SMIM36: variants seen among roughly 807,000 people sequenced by gnomAD.
The protein encoded by SMIM36 is small integral membrane protein 36.
intron 1 of SMIM36, among the ~76,000 whole-genome samples, chr17:55,500,732 C>T (rs868616201): frequency 5.5e-4 from 22 of 40,044 alleles, no homozygotes; most frequent in African/African-American, 8.4e-4. Context: ...TTTAAAAGAA[C>T]ATTCATTTAA....
At chr17:55,462,672 T>G (rs1567863158) in intron 4 of SMIM36, among the ~76,000 whole-genome samples, 2 of 152,180 alleles carry the variant, frequency 1.3e-5, no homozygotes, top group African/African-American at 4.8e-5. Context: ...AGCGTTGTCA[T>G]GAGGATTTGA....
chr17:55,494,579 C>T (rs757814194), intron 1 of SMIM36, among the ~76,000 whole-genome samples: 3 of 151,772 alleles, frequency 2.0e-5, no homozygotes, highest in Non-Finnish European at 4.4e-5. Context: ...GTGAGGGGTA[C>T]AAGAAGATTC....
intron 4 of SMIM36, among the ~76,000 whole-genome samples, chr17:55,458,708 T>C (rs948520630): frequency 1.3e-5 from 2 of 151,892 alleles, no homozygotes; most frequent in Non-Finnish European, 2.9e-5. Context: ...CCGAAGAGCA[T>C]GCCCGCAGGC....
chr17:55,498,960 C>T (rs1331530828), intron 1 of SMIM36, among the ~76,000 whole-genome samples: 2 of 122,772 alleles, frequency 1.6e-5, no homozygotes, highest in Non-Finnish European at 3.2e-5. Flanking sequence ...GATCTGGCTG[C>T]TGCACTCTAG....
At chr17:55,464,770 C>T (rs1909206079) in intron 4 of SMIM36, among the ~76,000 whole-genome samples, 1 of 152,198 alleles carries the variant, frequency 6.6e-6, no homozygotes, top group Non-Finnish European at 1.5e-5. Context: ...TACACAAATG[C>T]TATTGATAAA....
intron 1 of SMIM36, among the ~76,000 whole-genome samples, chr17:55,502,736 C>T (rs777788872): frequency 1.2e-4 from 15 of 120,828 alleles, no homozygotes; most frequent in East Asian, 4.9e-4. Context: ...ATGACTTTGA[C>T]GAGCTGAGAG....
chr17:55,455,727 G>A (rs141056193), intron 4 of SMIM36, among the ~76,000 whole-genome samples: 1 of 152,112 alleles, frequency 6.6e-6, no homozygotes, highest in Non-Finnish European at 1.5e-5. Flanking sequence ...CGGGAGGTTC[G>A]GGCTGCAGTG....
chr17:55,484,792 GA>G, intron 1 of SMIM36, among the ~76,000 whole-genome samples: 1 of 152,338 alleles, frequency 6.6e-6, no homozygotes, highest in East Asian at 1.9e-4. Flanking sequence ...TGCAAAACTT[GA>G]GGCGTGGTCA....
chr17:55,456,736 A>G (rs749725468), intron 4 of SMIM36, among the ~76,000 whole-genome samples: 4 of 152,232 alleles, frequency 2.6e-5, no homozygotes, highest in Admixed American at 6.5e-5. Context: ...ATATTTTTCA[A>G]TGTGAATCAT....
At chr17:55,531,942 A>G in the SMIM36 span, among the ~76,000 whole-genome samples, 1 of 152,256 alleles carries the variant, frequency 6.6e-6, no homozygotes. Context: ...TCCATTGTGT[A>G]GGAATACATA....
upstream of SMIM36, among the ~76,000 whole-genome samples, chr17:55,514,231 A>G (rs1910229181): frequency 6.6e-6 from 1 of 152,170 alleles, no homozygotes; most frequent in Non-Finnish European, 1.5e-5. Flanking sequence ...TAAATAAAGA[A>G]AAAAACTTGG....
chr17:55,498,745 T>A (rs1486081093), intron 1 of SMIM36, among the ~76,000 whole-genome samples: 2 of 151,942 alleles, frequency 1.3e-5, no homozygotes, highest in Non-Finnish European at 2.9e-5. Context: ...ACACCTGTAA[T>A]CCCAGCACTC....
chr17:55,515,089 T>TTTTG (rs1910248579), upstream of SMIM36, among the ~76,000 whole-genome samples: 1 of 86,950 alleles, frequency 1.2e-5, no homozygotes. Flanking sequence ...GTCTAGTGTT[T>TTTTG]TTTTTTTTTT....
At chr17:55,517,101 A>C in the SMIM36 span, among the ~76,000 whole-genome samples, 2 of 152,134 alleles carry the variant, frequency 1.3e-5, no homozygotes, top group Non-Finnish European at 1.5e-5. Context: ...CCTATATAAC[A>C]CTGAATGGCA....
chr17:55,481,060 C>A (rs1909511016), intron 1 of SMIM36, among the ~76,000 whole-genome samples: 1 of 151,976 alleles, frequency 6.6e-6, no homozygotes, highest in African/African-American at 2.4e-5. Context: ...CTGTCTCTTT[C>A]TGTCTCTGTC....
At chr17:55,457,438 T>C (rs1369893431) in intron 4 of SMIM36, among the ~76,000 whole-genome samples, 3 of 117,478 alleles carry the variant, frequency 2.6e-5, no homozygotes, top group Non-Finnish European at 5.0e-5. Flanking sequence ...GTGACAAGAG[T>C]GAAACTCCGT....
upstream of SMIM36, among the ~76,000 whole-genome samples, chr17:55,512,911 T>G (rs1467003941): frequency 6.6e-6 from 1 of 152,202 alleles, no homozygotes; most frequent in Non-Finnish European, 1.5e-5. Flanking sequence ...CCTGTCAGCC[T>G]CCTTTATACT....
At position 55,450,255 on chromosome 17, in the gene SMIM36, G is replaced by A. The variant is rs370064192; in HGVS notation, c.*575C>T. On this transcript the variant is annotated 3_prime_UTR_variant, in exon 5 of 5. Coordinates refer to ENST00000636752, the Ensembl canonical transcript of SMIM36. ...TAGATTTTCTCCTGCAGCCTTCGGA[G>A]GGAGTACAGCCCCTCTGACACCTTG... 5 of 152,280 alleles carry A rather than the reference G, an allele frequency of 3.3e-5. No individual in the cohort carries two copies. In the East Asian group the frequency reaches 9.6e-4, roughly 29 times the overall value. The allele number at this position is 152,280 out of a possible 1,614,324, so 9.4% of individuals were successfully genotyped here.
At chr17:55,476,693 G>A (rs1909433384) in intron 3 of SMIM36, among the ~76,000 whole-genome samples, 1 of 151,956 alleles carries the variant, frequency 6.6e-6, no homozygotes, top group Admixed American at 6.6e-5. Flanking sequence ...TCAGCCTCCT[G>A]ACTAGGTGAC....
Sources: allele counts gnomAD v4.1 joint callset (sites outside exome capture counted in the v4.1 genomes callset), GRCh38; gene constraint gnomAD v4.1.1; transcripts MANE v1.5; gene names NCBI Gene and HGNC (gene_info 2026-07-23, HGNC 2026-07-21).